The following ALK variants were observed in gnomAD, a reference collection of about 807,000 sequenced individuals.
ALK encodes the protein ALK receptor tyrosine kinase, also known as ALK tyrosine kinase receptor.
In ALK, 74 loss-of-function variants were observed where a neutral mutation model predicts 163.1. The observed-to-expected ratio is 0.45, with a 90% CI of 0.38 to 0.55. The LOEUF (loss-of-function observed/expected upper bound fraction) is 0.55, where lower values mean the gene tolerates loss of function less well. Among genes scored for constraint, ALK ranks in the 20% least tolerant of loss-of-function variants. ALK has a pLI of 0.00. For synonymous variants in ALK, 960 were observed against 843.2 expected (o/e 1.14, Z -2.40); for missense variants, 2,063 against 2,105.3 (o/e 0.98, Z 0.39).
At chr2:29,441,155 A>T (rs1670531951) in intron 4 of ALK, among the ~76,000 whole-genome samples, 1 of 152,220 alleles carries the variant, frequency 6.6e-6, no homozygotes, top group African/African-American at 2.4e-5. Flanking sequence ...CCTACTCTAG[A>T]TCTGTCTATG....
At chr2:29,443,118 C>T (rs1235683341) in intron 4 of ALK, among the ~76,000 whole-genome samples, 1 of 152,194 alleles carries the variant, frequency 6.6e-6, no homozygotes, top group Non-Finnish European at 1.5e-5. Flanking sequence ...GCATTTTTAA[C>T]TAAACTTTCG....
chr2:29,310,059 T>A (rs916166228), intron 8 of ALK, among the ~76,000 whole-genome samples: 11 of 152,034 alleles, frequency 7.2e-5, no homozygotes, highest in African/African-American at 2.4e-4. Flanking sequence ...CTAAAACAGG[T>A]TTTTTGTTGT....
chr2:29,285,278 C>T (rs1010237289), intron 9 of ALK, among the ~76,000 whole-genome samples: 1 of 151,832 alleles, frequency 6.6e-6, no homozygotes, highest in African/African-American at 2.4e-5. Flanking sequence ...TTTTTTGAGA[C>T]AGAGTCTAGC....
At chr2:29,497,882 G>T (rs1672071240) in intron 4 of ALK, among the ~76,000 whole-genome samples, 1 of 152,108 alleles carries the variant, frequency 6.6e-6, no homozygotes, top group South Asian at 2.1e-4. Flanking sequence ...GGTCCAAAAA[G>T]TAAATTTAAA....
intron 4 of ALK, among the ~76,000 whole-genome samples, chr2:29,397,658 C>T (rs1336090249): frequency 2.6e-5 from 4 of 152,196 alleles, no homozygotes; most frequent in East Asian, 1.9e-4. Flanking sequence ...GAGAAAACAA[C>T]TTATTTCTTG....
chr2:29,741,633 C>A (rs1680059863), intron 1 of ALK, among the ~76,000 whole-genome samples: 1 of 152,086 alleles, frequency 6.6e-6, no homozygotes, highest in Admixed American at 6.5e-5. Context: ...GCCCATGTCT[C>A]CCCTGGTGAC....
At chr2:29,651,826 C>T (rs1677045303) in intron 3 of ALK, among the ~76,000 whole-genome samples, 10 of 152,108 alleles carry the variant, frequency 6.6e-5, no homozygotes, top group Admixed American at 6.5e-4. Context: ...CCTTGCATTG[C>T]AATTGAATCT....
At chr2:29,361,351 A>T (rs1668384284) in intron 5 of ALK, among the ~76,000 whole-genome samples, 1 of 152,118 alleles carries the variant, frequency 6.6e-6, no homozygotes, top group Non-Finnish European at 1.5e-5. Flanking sequence ...AATATTCCAC[A>T]TTCCAAGTCC....
At chr2:29,241,209 TGAG>T (rs1201086754) in intron 12 of ALK, among the ~76,000 whole-genome samples, 1 of 152,026 alleles carries the variant, frequency 6.6e-6, no homozygotes, top group East Asian at 1.9e-4. Flanking sequence ...ACAAAGAAAC[TGAG>T]GAGACGATCT....
chr2:29,341,718 G>T (rs11889376), intron 5 of ALK, among the ~76,000 whole-genome samples: 6 of 152,162 alleles, frequency 3.9e-5, no homozygotes, highest in African/African-American at 1.2e-4. Flanking sequence ...TTCCAGCTAG[G>T]GGGGAGAGGA....
At chr2:29,709,210 T>TA (rs1435016426) in intron 2 of ALK, among the ~76,000 whole-genome samples, 3 of 152,182 alleles carry the variant, frequency 2.0e-5, no homozygotes, top group Non-Finnish European at 4.4e-5. Flanking sequence ...TCAAAGTAGT[T>TA]AAAATCACAT....
intron 1 of ALK, among the ~76,000 whole-genome samples, chr2:29,806,489 A>C (rs1377911384): frequency 6.6e-6 from 1 of 152,242 alleles, no homozygotes; most frequent in Non-Finnish European, 1.5e-5. Context: ...AGGAGCCGCC[A>C]GCTGATGTGG....
intron 3 of ALK, among the ~76,000 whole-genome samples, chr2:29,668,369 T>C (rs1300285660): frequency 6.6e-5 from 10 of 152,098 alleles, no homozygotes; most frequent in African/African-American, 2.4e-4. Context: ...GTCTTTTTAC[T>C]TTTTTAAAAC....
intron 2 of ALK, among the ~76,000 whole-genome samples, chr2:29,708,638 G>C (rs527770067): frequency 6.6e-6 from 1 of 152,248 alleles, no homozygotes; most frequent in African/African-American, 2.4e-5. Flanking sequence ...GCAACAGATG[G>C]GACTGAAATG....
chr2:29,597,434 G>A (rs935442452), intron 3 of ALK, among the ~76,000 whole-genome samples: 2 of 152,190 alleles, frequency 1.3e-5, no homozygotes, highest in Non-Finnish European at 2.9e-5. Flanking sequence ...TTGGTGCCGA[G>A]TTGTTCCATT....
chr2:29,917,842 C>T (rs552710354), intron 1 of ALK, among the ~76,000 whole-genome samples: 1 of 152,324 alleles, frequency 6.6e-6, no homozygotes, highest in South Asian at 2.1e-4. Context: ...CTGAAAAATG[C>T]TTGGCCAAAT....
chr2:29,897,016 C>T (rs1419044203), intron 1 of ALK, among the ~76,000 whole-genome samples: 1 of 152,152 alleles, frequency 6.6e-6, no homozygotes, highest in Admixed American at 6.6e-5. Flanking sequence ...GATCTACAAT[C>T]CACCTTTAAA....
intron 4 of ALK, among the ~76,000 whole-genome samples, chr2:29,447,293 C>G (rs557451627): frequency 2.9e-4 from 44 of 152,318 alleles, no homozygotes; most frequent in Admixed American, 8.5e-4. Flanking sequence ...GCAGAAATCT[C>G]TCTGGCAGGT....
chr2:29,417,272 G>A (rs914732998), intron 4 of ALK, among the ~76,000 whole-genome samples: 1 of 152,192 alleles, frequency 6.6e-6, no homozygotes. Flanking sequence ...ACAGGCGTGA[G>A]CATTTGAAGC....
Sources: allele counts gnomAD v4.1 joint callset (sites outside exome capture counted in the v4.1 genomes callset), GRCh38; gene constraint gnomAD v4.1.1; transcripts MANE v1.5; gene names NCBI Gene and HGNC (gene_info 2026-07-23, HGNC 2026-07-21).